The following GPC6 variants were observed in gnomAD, a reference collection of about 807,000 sequenced individuals.
The protein encoded by GPC6 is glypican 6, also known as glypican-6.
A neutral mutation model predicts 55.2 loss-of-function variants in GPC6; 14 were observed. That is an observed-to-expected ratio of 0.25 (90% CI 0.17 to 0.40). GPC6 has a LOEUF of 0.40. Among genes scored for constraint, GPC6 ranks in the 10% least tolerant of loss-of-function variants. GPC6 has a pLI of 1.00. For missense variants in GPC6, 641 were observed against 708.5 expected (o/e 0.90, Z 1.08); for synonymous variants, 278 against 259.6 (o/e 1.07, Z -0.68).
intron 1 of GPC6, among the ~76,000 whole-genome samples, chr13:93,429,327 A>G (rs1013963794): frequency 6.6e-6 from 1 of 152,076 alleles, no homozygotes; most frequent in African/African-American, 2.4e-5. Flanking sequence ...TACTCCATCA[A>G]TTTCATCACC....
chr13:93,864,905 T>C (rs896789108), intron 3 of GPC6, among the ~76,000 whole-genome samples: 4 of 151,698 alleles, frequency 2.6e-5, no homozygotes, highest in African/African-American at 9.7e-5. Context: ...GTTTTTACAG[T>C]GTAAAATCTC....
At chr13:94,191,943 A>T (rs576177566) in intron 4 of GPC6, among the ~76,000 whole-genome samples, 14 of 152,318 alleles carry the variant, frequency 9.2e-5, no homozygotes, top group Admixed American at 4.6e-4. Context: ...CATATGAAAA[A>T]TATCCTCTTA....
intron 1 of GPC6, among the ~76,000 whole-genome samples, chr13:93,363,129 G>GT (rs937263059): frequency 8.6e-4 from 72 of 83,710 alleles, no homozygotes; most frequent in East Asian, 1.7e-3. Context: ...TTTTTTTTTT[G>GT]TTTTTTTTAA....
intron 3 of GPC6, among the ~76,000 whole-genome samples, chr13:93,998,017 A>T (rs1053658628): frequency 2.6e-5 from 4 of 152,194 alleles, no homozygotes; most frequent in African/African-American, 9.7e-5. Context: ...GACTTGCTCT[A>T]GTCAATGACT....
chr13:94,052,842 A>T lies in GPC6; in HGVS notation c.877+24948A>T, dbSNP rs1462049654. ...CTCTGTTGAAGCTATGCCCCTTGGG[A>T]CTCTGGCTCATTGAACTCTCAGGAA... On this transcript the variant is annotated intron_variant, in intron 4 of 8. Transcript: ENST00000377047. Among the ~76,000 whole-genome samples, 4 of 151,978 alleles carry T rather than the reference A, an allele frequency of 2.6e-5. No homozygotes were observed. The East Asian group carries it at 5.8e-4, about 22-fold the overall frequency.
At chr13:94,156,406 GATATAA>G (rs1371988095) in intron 4 of GPC6, among the ~76,000 whole-genome samples, 16 of 152,100 alleles carry the variant, frequency 1.1e-4, no homozygotes, top group Admixed American at 9.2e-4. Context: ...TATAGAGATA[GATATAA>G]ATATAATATA....
At chr13:94,304,477 C>T (rs1367916793) in intron 5 of GPC6, among the ~76,000 whole-genome samples, 6 of 152,184 alleles carry the variant, frequency 3.9e-5, no homozygotes, top group East Asian at 1.9e-4. Context: ...GGAACGAATG[C>T]GTTGCAAGTA....
At chr13:94,373,314 G>C (rs2139195656) in intron 6 of GPC6, among the ~76,000 whole-genome samples, 1 of 151,554 alleles carries the variant, frequency 6.6e-6, no homozygotes, top group East Asian at 2.0e-4. Flanking sequence ...TGAAAACTTT[G>C]AAAAAAATTT....
intron 3 of GPC6, among the ~76,000 whole-genome samples, chr13:93,983,773 C>A (rs1258665855): frequency 8.3e-6 from 1 of 120,294 alleles, no homozygotes; most frequent in Non-Finnish European, 1.7e-5. Context: ...GTAAGTTTTT[C>A]ATATTTTTGT....
rs577270695 is a variant in GPC6 at position 94,350,922 on chromosome 13, G to A, written c.1153-31492G>A. ...GCACAGTAAAGGAAATTGGCATTGGGAGAGGACTTCCACCAACAAACTTGG... is the reference window on the plus strand; with the variant it reads ...GCACAGTAAAGGAAATTGGCATTGGAAGAGGACTTCCACCAACAAACTTGG... On this transcript the variant is annotated intron_variant, in intron 6 of 8. Coordinates refer to ENST00000377047, the MANE Select transcript of GPC6 (RefSeq NM_005708.5). 3.9e-5 allele frequency among the ~76,000 whole-genome samples: 6 copies of A among 152,150 alleles called. No individual in the cohort carries two copies. The South Asian group carries it at 1.2e-3, about 32-fold the overall frequency.
intron 2 of GPC6, among the ~76,000 whole-genome samples, chr13:93,562,637 TA>T (rs1311061073): frequency 1.3e-5 from 2 of 152,226 alleles, no homozygotes; most frequent in Non-Finnish European, 2.9e-5. Flanking sequence ...GGTTTTCTGA[TA>T]AAGAAAAAGC....
chr13:93,624,477 T>C (rs1414132304), intron 2 of GPC6, among the ~76,000 whole-genome samples: 1 of 152,196 alleles, frequency 6.6e-6, no homozygotes, highest in Non-Finnish European at 1.5e-5. Context: ...CTAAAATGAC[T>C]AAGAGCTATT....
chr13:93,387,338 C>T (rs1287942425), intron 1 of GPC6, among the ~76,000 whole-genome samples: 1 of 152,056 alleles, frequency 6.6e-6, no homozygotes, highest in African/African-American at 2.4e-5. Flanking sequence ...CCTCCACCCC[C>T]AACAGGCCCC....
chr13:93,949,352 T>G (rs944210255), intron 3 of GPC6, among the ~76,000 whole-genome samples: 4 of 152,216 alleles, frequency 2.6e-5, no homozygotes, highest in African/African-American at 9.6e-5. Context: ...AGGTTTTGTG[T>G]TGGTTCATGC....
intron 3 of GPC6, among the ~76,000 whole-genome samples, chr13:93,861,484 G>C (rs1888812163): frequency 6.6e-6 from 1 of 151,226 alleles, no homozygotes; most frequent in African/African-American, 2.4e-5. Context: ...TTATCCAAAT[G>C]AGAAGACAGC....
intron 6 of GPC6, among the ~76,000 whole-genome samples, chr13:94,347,681 T>C (rs1878358181): frequency 6.6e-6 from 1 of 152,244 alleles, no homozygotes; most frequent in African/African-American, 2.4e-5. Flanking sequence ...TTTGTTTTCC[T>C]TACTCACTAT....
chr13:93,595,817 A>G (rs867224750), intron 2 of GPC6, among the ~76,000 whole-genome samples: 6 of 152,216 alleles, frequency 3.9e-5, no homozygotes, highest in Non-Finnish European at 7.3e-5. Context: ...TCACATATCT[A>G]TGTTATTGTT....
chr13:93,549,451 A>G (rs963873072), intron 2 of GPC6, among the ~76,000 whole-genome samples: 1 of 152,196 alleles, frequency 6.6e-6, no homozygotes, highest in African/African-American at 2.4e-5. Flanking sequence ...ATAAGAGGCA[A>G]CATCTGACCC....
At chr13:93,268,151 G>A (rs1489222956) in intron 1 of GPC6, among the ~76,000 whole-genome samples, 1 of 152,010 alleles carries the variant, frequency 6.6e-6, no homozygotes, top group East Asian at 1.9e-4. Context: ...ATTTCTATAG[G>A]GAAAAAATAA....
Sources: gnomAD v4.1 joint callset for allele counts (sites outside exome capture counted in the v4.1 genomes callset) on GRCh38, gnomAD v4.1.1 for gene constraint, MANE v1.5 for transcripts, NCBI Gene and HGNC (gene_info 2026-07-23, HGNC 2026-07-21) for gene names.